The following MATK variants were observed in gnomAD, a reference collection of about 807,000 sequenced individuals.
MATK encodes megakaryocyte-associated tyrosine-protein kinase.
Under a neutral mutation model 59.8 loss-of-function variants are expected in MATK, and 41 were observed. The observed-to-expected ratio is 0.69, with a 90% CI of 0.53 to 0.89. The LOEUF is 0.89. MATK is among the 40% of genes least tolerant of loss of function. The pLI is 0.00. For missense variants in MATK, 593 were observed against 719.6 expected (o/e 0.82, Z 2.01); for synonymous variants, 308 against 306.1 (o/e 1.01, Z -0.06).
chr19:3,786,709 A>T (rs116610381), upstream of MATK, among the ~76,000 whole-genome samples: 1,055 of 152,158 alleles, frequency 6.9e-3, 9 homozygotes, highest in African/African-American at 0.023. This position sits in a 1 kb window ranked among gnomAD's most constrained non-coding sequence, Gnocchi z 4.1. Context: ...AGTGTCGCCC[A>T]TTTGAGCACC....
chr19:3,789,674 G>C (rs1341107088), upstream of MATK, among the ~76,000 whole-genome samples: 4 of 151,796 alleles, frequency 2.6e-5, no homozygotes, highest in Non-Finnish European at 5.9e-5. Context: ...AGCCACAGAA[G>C]GGGTAGCCTC....
intron 1 of MATK, among the ~76,000 whole-genome samples, chr19:3,798,907 G>A (rs2037619082): frequency 6.6e-6 from 1 of 151,924 alleles, no homozygotes; most frequent in African/African-American, 2.4e-5. Context: ...CAGGGCTCAA[G>A]TGATCCTCCT....
chr19:3,798,400 C>G (rs1183152291), intron 1 of MATK, among the ~76,000 whole-genome samples: 5 of 152,180 alleles, frequency 3.3e-5, no homozygotes, highest in Admixed American at 3.3e-4. Context: ...GGGCAGGAAT[C>G]CCGAAACATT....
chr19:3,779,476 G>C (rs755038985), intron 10 of MATK, 25 bp from the exon 11 acceptor site: 1 of 1,612,386 alleles, frequency 6.2e-7, no homozygotes, highest in Non-Finnish European at 8.5e-7. Flanking sequence ...AGATGGCCGC[G>C]GGATGTTGGG....
intron 1 of MATK, among the ~76,000 whole-genome samples, chr19:3,794,359 G>A (rs566831061): frequency 6.6e-6 from 1 of 152,120 alleles, no homozygotes; most frequent in African/African-American, 2.4e-5. Flanking sequence ...AGAGGGTAAA[G>A]TCTGAGGAAG....
At chr19:3,793,364 G>C (rs899445279) in intron 1 of MATK, 4 of 152,104 alleles carry the variant, frequency 2.6e-5, no homozygotes, top group Admixed American at 6.6e-5. Flanking sequence ...TCAGGAGTTC[G>C]AGACCAGTCT....
chr19:3,784,734 G>T, intron 3 of MATK, 91 bp downstream of exon 3: 3 of 885,316 alleles, frequency 3.4e-6, no homozygotes, highest in Non-Finnish European at 5.6e-6. Flanking sequence ...GTAGGGGGCA[G>T]AGAGTACAGC....
chr19:3,788,854 G>A (rs1364103213), upstream of MATK, among the ~76,000 whole-genome samples: 2 of 151,844 alleles, frequency 1.3e-5, no homozygotes, highest in African/African-American at 2.4e-5. Context: ...ACCACACCCA[G>A]CTAATTTTTG....
At chr19:3,788,628 A>G (rs1436402999), upstream of MATK, among the ~76,000 whole-genome samples, 1 of 151,230 alleles carries the variant, frequency 6.6e-6, no homozygotes, top group East Asian at 1.9e-4. Context: ...CCAAAAAAAA[A>G]AAAAAAAAAA....
chr19:3,781,622 C>A lies in MATK; in HGVS notation c.727G>T (p.Glu243Ter), dbSNP rs771185238. Residue 243 changes from glutamate to a stop codon, truncating the protein, a stop_gained, in exon 8 of 14, where the codon GAG becomes TAG. Coordinates refer to ENST00000310132, the MANE Select transcript of MATK (RefSeq NM_139355.3). LOFTEE classifies it high-confidence loss of function. The part of the protein sequence containing the change: ...QHLTLGAQIG[E>*]GEFGAVLQGE... ...CGCCACTCACCTCCAAACTCTCCCT[C>A]TCCGATCTGTGCTCCCAATGTCAAA... 1.2e-5 allele frequency: 20 copies of A among 1,613,922 alleles called. No homozygotes were observed. The highest frequency in any genetic ancestry group is 1.6e-5 in the Non-Finnish European group (19 of 1,179,994).
At chr19:3,798,054 A>C (rs1199380980) in intron 1 of MATK, among the ~76,000 whole-genome samples, 5 of 152,224 alleles carry the variant, frequency 3.3e-5, no homozygotes, top group African/African-American at 1.2e-4. Context: ...AAAATAAAAA[A>C]TAAAAATAAA....
At chr19:3,781,472 C>T in intron 8 of MATK, 135 bp downstream of exon 8, 3 of 894,324 alleles carry the variant, frequency 3.4e-6, no homozygotes, top group Non-Finnish European at 5.4e-6. Context: ...AACTGAGGCT[C>T]AGAGGATTTG....
At chr19:3,782,224 T>C (rs1229189243) in intron 7 of MATK, among the ~76,000 whole-genome samples, 2 of 152,132 alleles carry the variant, frequency 1.3e-5, no homozygotes, top group Admixed American at 1.3e-4. Context: ...CTGACCCTTC[T>C]CCCAAGCACT....
chr19:3,783,901 GTCGCGGCCAAAGC>G lies in MATK; in HGVS notation c.482_494del (p.Ser161ThrfsTer44). 1 of 1,613,032 alleles carries G rather than the reference GTCGCGGCCAAAGC, an allele frequency of 6.2e-7. No individual in the cohort carries two copies. The highest frequency in any genetic ancestry group is 8.5e-7 in the Non-Finnish European group (1 of 1,179,900). The stretch of plus-strand genomic sequence containing the variant: ...GGTGCAGCACGCGGTAGTGGATGAC[GTCGCGGCCAAAGC>G]TCACGCACAGGACGTAGTCGCCGGG... On this transcript the variant is annotated frameshift_variant, in exon 6 of 14. Transcript: ENST00000310132. LOFTEE classifies it high-confidence loss of function.
chr19:3,789,148 C>A, upstream of MATK: 1 of 587,552 alleles, frequency 1.7e-6, no homozygotes, highest in South Asian at 2.0e-5. Flanking sequence ...GACGCTGCAG[C>A]TGTCCTTCTG....
At chr19:3,791,884 G>A (rs2037545236) in intron 1 of MATK, among the ~76,000 whole-genome samples, 1 of 151,784 alleles carries the variant, frequency 6.6e-6, no homozygotes, top group African/African-American at 2.4e-5. Context: ...GAGGTGGGTG[G>A]TTCACCTGAG....
upstream of MATK, chr19:3,789,355 A>G (rs748671681): frequency 5.2e-6 from 4 of 769,892 alleles, no homozygotes; most frequent in Non-Finnish European, 4.9e-6. Context: ...CATGAGAGGG[A>G]CATTTAAGAT....
chr19:3,781,402 C>T (rs2037399826), intron 8 of MATK, among the ~76,000 whole-genome samples: 1 of 152,182 alleles, frequency 6.6e-6, no homozygotes, highest in Non-Finnish European at 1.5e-5. Flanking sequence ...TGACTGAGCG[C>T]CTGCTTGAGT....
At chr19:3,787,176 G>A (rs1264518782), upstream of MATK, among the ~76,000 whole-genome samples, 1 of 152,176 alleles carries the variant, frequency 6.6e-6, no homozygotes, top group East Asian at 1.9e-4. Flanking sequence ...TCTATCCCCT[G>A]GGCTGGAGTG....
Sources: gnomAD v4.1 joint callset for allele counts (sites outside exome capture counted in the v4.1 genomes callset) on GRCh38, gnomAD v4.1.1 for gene constraint, Gnocchi (gnomAD v3.1) non-coding constraint, MANE v1.5 for transcripts, NCBI Gene and HGNC (gene_info 2026-07-23, HGNC 2026-07-21) for gene names.